The following ATF6 variants were observed in gnomAD, a reference collection of about 807,000 sequenced individuals.
The protein encoded by ATF6 is cyclic AMP-dependent transcription factor ATF-6 alpha.
Under a neutral mutation model 83.6 loss-of-function variants are expected in ATF6, and 53 were observed. That is an observed-to-expected ratio of 0.63 (90% CI 0.51 to 0.80). ATF6 has a LOEUF of 0.80. Ranked by LOEUF, ATF6 falls within the 30% of genes least tolerant of loss-of-function variation. The pLI is 0.00. For missense variants in ATF6, 744 were observed against 797.9 expected, an observed-to-expected ratio of 0.93 and a Z score of 0.81; for synonymous variants, 288 against 285.8, an observed-to-expected ratio of 1.01 and a Z score of -0.08.
intron 1 of ATF6, among the ~76,000 whole-genome samples, chr1:161,775,372 A>G (rs1684490616): frequency 6.6e-6 from 1 of 152,210 alleles, no homozygotes; most frequent in African/African-American, 2.4e-5. Context: ...AGCCTCATTA[A>G]TAACCCCAAT....
chr1:161,773,926 T>C lies in ATF6; in HGVS notation c.83-4318T>C, dbSNP rs75267838. On this transcript the variant is annotated intron_variant, in intron 1 of 15. Transcript: ENST00000367942. ...TTTTAACCACAGAAAAGTCAAAAGA[T>C]CAGTACACTGATAAACGTGCGTTTT... is the stretch of plus-strand genomic sequence containing the variant. 2.1e-3 allele frequency among the ~76,000 whole-genome samples: 321 copies of C among 152,222 alleles called. 7 individuals are homozygous for C. In the East Asian group the frequency reaches 0.054, roughly 26 times the overall value.
chr1:161,797,979 C>T (rs2101749605), intron 6 of ATF6, among the ~76,000 whole-genome samples: 1 of 152,190 alleles, frequency 6.6e-6, no homozygotes, highest in East Asian at 1.9e-4. Context: ...GGCACATAGA[C>T]CGATGGATTA....
At chr1:161,912,642 C>G (rs1434351681) in intron 15 of ATF6, among the ~76,000 whole-genome samples, 3 of 152,170 alleles carry the variant, frequency 2.0e-5, no homozygotes, top group African/African-American at 4.8e-5. Context: ...TACAGACTTG[C>G]ATCTGCGACC....
intron 7 of ATF6, among the ~76,000 whole-genome samples, chr1:161,816,099 C>T (rs1685605075): frequency 6.6e-6 from 1 of 152,182 alleles, no homozygotes; most frequent in Non-Finnish European, 1.5e-5. Context: ...AAGTGAAATA[C>T]TACATTTTAT....
intron 9 of ATF6, among the ~76,000 whole-genome samples, chr1:161,834,740 C>T (rs867972655): frequency 6.6e-5 from 10 of 151,738 alleles, no homozygotes; most frequent in South Asian, 4.2e-4. Context: ...CAAACCTGCA[C>T]GTTGTGCACA....
intron 15 of ATF6, among the ~76,000 whole-genome samples, chr1:161,957,000 G>A (rs928066199): frequency 6.6e-6 from 1 of 152,030 alleles, no homozygotes; most frequent in Non-Finnish European, 1.5e-5. Context: ...AATTAGACCT[G>A]AATTTAGGAC....
At chr1:161,949,064 A>T (rs561484442) in intron 15 of ATF6, among the ~76,000 whole-genome samples, 1 of 152,180 alleles carries the variant, frequency 6.6e-6, no homozygotes, top group African/African-American at 2.4e-5. Flanking sequence ...TTATCTAGTT[A>T]AAAACTGAAT....
chr1:161,857,568 A>AT (rs1366477290), intron 12 of ATF6, among the ~76,000 whole-genome samples: 1 of 152,198 alleles, frequency 6.6e-6, no homozygotes, highest in Non-Finnish European at 1.5e-5. Flanking sequence ...TGCTAAAGAT[A>AT]TTTTTTAAAA....
chr1:161,790,707 A>G (rs1212441316), intron 4 of ATF6, among the ~76,000 whole-genome samples: 1 of 152,092 alleles, frequency 6.6e-6, no homozygotes, highest in Non-Finnish European at 1.5e-5. Flanking sequence ...GCTACTCGGG[A>G]GGCTAAGGCA....
intron 15 of ATF6, among the ~76,000 whole-genome samples, chr1:161,934,217 G>A (rs1266227300): frequency 6.6e-6 from 1 of 152,146 alleles, no homozygotes. Flanking sequence ...TCTTCCCTCG[G>A]ATTTGTGATG....
Position 161,960,497 on chromosome 1 carries a change from A to G in ATF6, c.*1843A>G, listed in dbSNP as rs1689075056. 6.6e-6 allele frequency: 1 copy of G among 152,256 alleles called. No homozygotes were observed. The highest frequency in any genetic ancestry group is 2.4e-5 in the African/African-American group (1 of 41,474). 9.4% of individuals were successfully genotyped at this position (152,256 alleles called of 1,614,324 possible). A position where few individuals can be genotyped will look rare whatever the true frequency, so the allele number is the denominator to read the frequency against. On this transcript the variant is annotated 3_prime_UTR_variant, in exon 16 of 16. Transcript: ENST00000367942. ...ATTTTAAAGAACCATCAGCACTTCTAACTCTCTGGACAGGTGCCTCTTTGT... is the reference window on the plus strand; with the variant it reads ...ATTTTAAAGAACCATCAGCACTTCTGACTCTCTGGACAGGTGCCTCTTTGT...
chr1:161,899,864 G>A (rs745782672), intron 14 of ATF6, among the ~76,000 whole-genome samples: 3 of 152,202 alleles, frequency 2.0e-5, no homozygotes, highest in South Asian at 4.1e-4. Context: ...TTGAAGAAAC[G>A]TCTCAGATCA....
chr1:161,827,944 C>T (rs1191538518), intron 9 of ATF6, among the ~76,000 whole-genome samples: 2 of 152,058 alleles, frequency 1.3e-5, no homozygotes, highest in African/African-American at 2.4e-5. Context: ...ATTCAAGGAG[C>T]TGGCCCACTC....
At chr1:161,832,504 A>G (rs1571171292) in intron 9 of ATF6, among the ~76,000 whole-genome samples, 1 of 152,174 alleles carries the variant, frequency 6.6e-6, no homozygotes, top group African/African-American at 2.4e-5. Flanking sequence ...TCCCTTTCCT[A>G]GTCAAAGAAA....
intron 15 of ATF6, among the ~76,000 whole-genome samples, chr1:161,915,074 C>T (rs886131159): frequency 2.0e-5 from 3 of 152,104 alleles, no homozygotes; most frequent in Admixed American, 6.6e-5. Context: ...ACTCCAACAT[C>T]CTCTCTCCCC....
At chr1:161,920,271 G>A (rs1417078600) in intron 15 of ATF6, among the ~76,000 whole-genome samples, 1 of 116,446 alleles carries the variant, frequency 8.6e-6, no homozygotes, top group South Asian at 3.2e-4. Context: ...CATAATCATA[G>A]TTCTCTTTCT....
chr1:161,838,012 CAG>C (rs1336249354), intron 9 of ATF6, among the ~76,000 whole-genome samples: 8 of 152,168 alleles, frequency 5.3e-5, no homozygotes, highest in African/African-American at 1.9e-4. Flanking sequence ...TAATCACTGA[CAG>C]AGCAACAGCC....
At chr1:161,874,197 A>C (rs549198182) in intron 14 of ATF6, among the ~76,000 whole-genome samples, 184 of 151,748 alleles carry the variant, frequency 1.2e-3, no homozygotes, top group African/African-American at 4.2e-3. Flanking sequence ...ATTATTTTTC[A>C]GTTAGGGTGT....
At chr1:161,905,906 C>T (rs903028273) in intron 14 of ATF6, among the ~76,000 whole-genome samples, 1 of 152,174 alleles carries the variant, frequency 6.6e-6, no homozygotes, top group East Asian at 1.9e-4. Context: ...GATCTCGGCT[C>T]ACTGCAAGCT....
Sources: gnomAD v4.1 joint callset for allele counts (sites outside exome capture counted in the v4.1 genomes callset) on GRCh38, gnomAD v4.1.1 for gene constraint, MANE v1.5 for transcripts, NCBI Gene and HGNC (gene_info 2026-07-23, HGNC 2026-07-21) for gene names.